The following DSG4 variants were observed in gnomAD, a reference collection of about 807,000 sequenced individuals.
DSG4 encodes desmoglein 4.
In DSG4, 87 loss-of-function variants were observed where a neutral mutation model predicts 93.1. The observed-to-expected ratio is 0.93, with a 90% CI of 0.79 to 1.12. DSG4 has a LOEUF of 1.12. Among genes scored for constraint, DSG4 ranks in the 50% most tolerant of loss-of-function variants. The probability of loss-of-function intolerance (pLI) is 0.00; values close to 1 mark genes in which losing one functional copy is unlikely to be tolerated. For missense variants in DSG4, 1,373 were observed against 1,285.7 expected (o/e 1.07, Z -1.04); for synonymous variants, 432 against 452.9 (o/e 0.95, Z 0.59).
In DSG4 at chr18:31,413,423, A is replaced by C; in HGVS notation, c.2951A>C (p.Glu984Ala). 6.2e-7 allele frequency: 1 copy of C among 1,613,802 alleles called. No homozygotes were observed. Among genetic ancestry groups the C allele is most frequent in the African/African-American group, 1.3e-5 (1 of 75,030 alleles). The change falls in exon 16 of 16, where the codon GAG becomes GCG. Residue 984 changes from glutamate to alanine, a missense_variant. Glu to Ala is a moderately radical substitution (Grantham distance 107). Coordinates refer to ENST00000308128, the MANE Select transcript of DSG4 (RefSeq NM_177986.5). The part of the protein sequence containing the change: ...VPDMSNSSTT[E>A]GCMGPVMSGN... ...GACATGAGCAATAGTAGCACGACTGAGGGTTGTATGGGACCTGTGATGAGC... is the reference window on the plus strand; with the variant it reads ...GACATGAGCAATAGTAGCACGACTGCGGGTTGTATGGGACCTGTGATGAGC...
rs377464539 is a variant in DSG4 at position 31,400,844 on chromosome 18, T to C, written c.1278-37T>C. 65 of 1,607,250 alleles carry C rather than the reference T, an allele frequency of 4.0e-5. No homozygotes were observed. In the African/African-American group the frequency reaches 8.2e-4, roughly 20 times the overall value. On this transcript the variant is annotated intron_variant, in intron 9 of 15. Transcript: ENST00000308128. ...CATGATTTAAAAGTACTAACTTTCATAAAAGCATGATAACGAACTTTTTTA... is the reference window on the plus strand; with the variant it reads ...CATGATTTAAAAGTACTAACTTTCACAAAAGCATGATAACGAACTTTTTTA...
chr18:31,383,002 C>G (rs1250751479), intron 1 of DSG4, among the ~76,000 whole-genome samples: 1 of 152,186 alleles, frequency 6.6e-6, no homozygotes, highest in Non-Finnish European at 1.5e-5. Flanking sequence ...TCCGTTTAAA[C>G]TACAGACAAG....
At chr18:31,410,414 T>G (rs184020057) in intron 14 of DSG4, among the ~76,000 whole-genome samples, 20 of 151,872 alleles carry the variant, frequency 1.3e-4, no homozygotes, top group Admixed American at 1.1e-3. Context: ...TGTGTCTATA[T>G]ATATACACAC....
Position 31,413,293 on chromosome 18 carries a change from G to C in DSG4, c.2821G>C (p.Ala941Pro). ...PNVVVTEAVM[A>P]PVYDIQGNIC... ...TGTTGTAGTAACCGAAGCAGTAATG[G>C]CACCTGTCTATGATATTCAAGGGAA... The change falls in exon 16 of 16, where the codon GCA (alanine) becomes CCA (proline). Residue 941 changes from alanine (A) to proline (P), a missense_variant. Coordinates refer to ENST00000308128, the MANE Select transcript of DSG4 (RefSeq NM_177986.5). 2.5e-6 allele frequency: 4 copies of C among 1,614,072 alleles called. No individual in the cohort carries two copies. The highest frequency in any genetic ancestry group is 3.4e-6 in the Non-Finnish European group (4 of 1,180,028).
intron 1 of DSG4, among the ~76,000 whole-genome samples, chr18:31,383,456 A>G (rs1052050480): frequency 2.0e-5 from 3 of 152,158 alleles, no homozygotes; most frequent in Non-Finnish European, 4.4e-5. Flanking sequence ...TTAAAACTCT[A>G]GTTTTAAAAC....
intron 5 of DSG4, 75 bp from the exon 6 acceptor site, chr18:31,390,581 T>A: frequency 2.5e-6 from 4 of 1,571,292 alleles, no homozygotes; most frequent in Non-Finnish European, 3.5e-6. Context: ...AACCACTCTG[T>A]CTTCTTATGC....
rs1285723672 is a variant in DSG4, at chr18:31,405,569, T to TAAAA, written c.1637-500_1637-497dup. ...TTATTTAAAAATTAGTTATAAATGT[T>TAAAA]AAAAAAAAAAAGAAAGAAAGAAAAG... is the stretch of plus-strand genomic sequence containing the variant. On this transcript the variant is annotated intron_variant, in intron 11 of 15. Coordinates refer to ENST00000308128, the MANE Select transcript of DSG4 (RefSeq NM_177986.5). 1.8e-4 allele frequency among the ~76,000 whole-genome samples: 26 copies of TAAAA among 143,592 alleles called. 1 individual carries two copies. In the South Asian group the frequency reaches 5.7e-3, roughly 32 times the overall value. The allele number at this position is 143,592 out of a possible 152,430, so 94.2% of individuals were successfully genotyped here. A position where few individuals can be genotyped will look rare whatever the true frequency, so the allele number is the denominator to read the frequency against.
chr18:31,388,750 G>A (rs1187266123), intron 4 of DSG4, 124 bp from the exon 5 acceptor site: 3 of 1,440,856 alleles, frequency 2.1e-6, no homozygotes, highest in Non-Finnish European at 9.7e-7. Context: ...TAAATTATTT[G>A]ACTGTACTAC....
intron 2 of DSG4, among the ~76,000 whole-genome samples, chr18:31,385,585 C>A (rs1484481941): frequency 6.6e-6 from 1 of 152,092 alleles, no homozygotes; most frequent in East Asian, 1.9e-4. Flanking sequence ...AACATATAAT[C>A]TAGTGCCATT....
chr18:31,393,526 C>T (rs1156735901), intron 8 of DSG4, among the ~76,000 whole-genome samples: 1 of 152,130 alleles, frequency 6.6e-6, no homozygotes, highest in Non-Finnish European at 1.5e-5. Context: ...AGGTCCTAGA[C>T]TCCTGTAAAC....
At position 31,380,510 on chromosome 18, in the gene DSG4, C is replaced by T. The variant is rs191719015; in HGVS notation, c.48+3551C>T. 3.3e-5 allele frequency among the ~76,000 whole-genome samples: 5 copies of T among 152,276 alleles called. No individual in the cohort carries two copies. In the East Asian group the frequency reaches 7.7e-4, roughly 23 times the overall value. On this transcript the variant is annotated intron_variant, in intron 1 of 15. Coordinates refer to ENST00000308128, the MANE Select transcript of DSG4 (RefSeq NM_177986.5). Reference sequence around the variant, plus strand: ...CCTGGAGGGAAACCTTCAGACATAACTTGCATGAGAAATGTTTGCCCTTCT... The same window carrying T: ...CCTGGAGGGAAACCTTCAGACATAATTTGCATGAGAAATGTTTGCCCTTCT...
chr18:31,403,214 G>T (rs906195449), intron 10 of DSG4, among the ~76,000 whole-genome samples: 1 of 152,148 alleles, frequency 6.6e-6, no homozygotes, highest in Non-Finnish European at 1.5e-5. Flanking sequence ...CTTGTTTAAA[G>T]AACTCAAAAG....
intron 1 of DSG4, among the ~76,000 whole-genome samples, chr18:31,384,444 C>T (rs2072166171): frequency 6.6e-6 from 1 of 152,010 alleles, no homozygotes; most frequent in Non-Finnish European, 1.5e-5. Flanking sequence ...CAATAAAAAC[C>T]TTAAAATACA....
intron 8 of DSG4, among the ~76,000 whole-genome samples, chr18:31,394,185 G>A (rs1345647364): frequency 1.3e-5 from 2 of 152,140 alleles, no homozygotes; most frequent in Middle Eastern, 3.2e-3. Flanking sequence ...TGTATGATAT[G>A]ACCCCTAAAA....
At chr18:31,405,489 T>C (rs2072414110) in intron 11 of DSG4, among the ~76,000 whole-genome samples, 1 of 152,060 alleles carries the variant, frequency 6.6e-6, no homozygotes, top group Non-Finnish European at 1.5e-5. Flanking sequence ...TCTGGAAAGA[T>C]GCAGCAAGGT....
intron 5 of DSG4, 29 bp from the exon 6 acceptor site, chr18:31,390,627 C>A: frequency 6.2e-7 from 1 of 1,612,564 alleles, no homozygotes; most frequent in Non-Finnish European, 8.5e-7. Context: ...AGAGTCCCAA[C>A]CATTCTCCAC....
At position 31,390,794 on chromosome 18, in the gene DSG4, GCAC is replaced by G. The variant is rs781651022; in HGVS notation, c.659_661del (p.Thr220del). 1.9e-6 allele frequency: 3 copies of G among 1,613,712 alleles called. No individual in the cohort carries two copies. The highest frequency in any genetic ancestry group is 2.5e-6 in the Non-Finnish European group (3 of 1,179,756). On this transcript the variant is annotated inframe_deletion, in exon 6 of 16. Coordinates refer to ENST00000308128, the MANE Select transcript of DSG4 (RefSeq NM_177986.5). ...CTGAATAGGTACACTGGAGAAGTCT[GCAC>G]CATGTCCAGTTTCTTGGACAGAGAG... is the stretch of plus-strand genomic sequence containing the variant.
intron 15 of DSG4, among the ~76,000 whole-genome samples, 183 bp from the exon 16 acceptor site, chr18:31,412,645 T>C (rs1238882742): frequency 1.3e-5 from 2 of 152,196 alleles, no homozygotes; most frequent in Non-Finnish European, 2.9e-5. Context: ...TTAAAATTGG[T>C]AGTTACAAAT....
Position 31,410,097 on chromosome 18 carries a change from G to A in DSG4, c.2137+289G>A, listed in dbSNP as rs1019121812. Among the ~76,000 whole-genome samples, 4 of 152,084 alleles carry A rather than the reference G, an allele frequency of 2.6e-5. No individual in the cohort carries two copies. In the South Asian group the frequency reaches 8.3e-4, roughly 32 times the overall value. ...GGGTTGCATATCTTTTATCCGAAAT[G>A]CATAGGACCATGAGTTTGAGTTTGG... On this transcript the variant is annotated intron_variant, in intron 14 of 15. Coordinates refer to ENST00000308128, the MANE Select transcript of DSG4 (RefSeq NM_177986.5).
Sources: gnomAD v4.1 joint callset for allele counts (sites outside exome capture counted in the v4.1 genomes callset) on GRCh38, gnomAD v4.1.1 for gene constraint, MANE v1.5 for transcripts, NCBI Gene and HGNC (gene_info 2026-07-23, HGNC 2026-07-21) for gene names.